The following HABP2 variants were observed in gnomAD, a reference collection of about 807,000 sequenced individuals.
HABP2 encodes factor VII-activating protease.
Under a neutral mutation model 66.5 loss-of-function variants are expected in HABP2, and 65 were observed. That is an observed-to-expected ratio of 0.98 (90% CI 0.80 to 1.20). The LOEUF is 1.20. Ranked by LOEUF, HABP2 falls within the 50% of genes most tolerant of loss-of-function variation. The probability of loss-of-function intolerance (pLI) is 0.00; values close to 1 mark genes in which losing one functional copy is unlikely to be tolerated. For missense variants in HABP2, 786 were observed against 691.0 expected (o/e 1.14, Z -1.54); for synonymous variants, 263 against 253.9 (o/e 1.04, Z -0.34).
rs569670909 is a variant in HABP2 at position 113,582,003 on chromosome 10, G to A, written c.966G>A (p.Ala322=). 67 of 1,614,200 alleles carry A rather than the reference G, an allele frequency of 4.2e-5. No homozygotes were observed. In the Middle Eastern group the frequency reaches 4.9e-4, roughly 12 times the overall value. Reference sequence around the variant, plus strand: ...TCTATGGAGGCTTTAAGAGCACGGCGGGCAAGCACCCATGGCAGGCGTCCC... The same window carrying A: ...TCTATGGAGGCTTTAAGAGCACGGCAGGCAAGCACCCATGGCAGGCGTCCC... ...KRIYGGFKST[A]GKHPWQASLQ... The change falls in exon 9 of 13, where the codon GCG becomes GCA. Residue 322 remains alanine (A), a synonymous_variant. Transcript: ENST00000351270.
In HABP2 at chr10:113,581,112, C is replaced by T. The variant is rs548185222; in HGVS notation, c.838+420C>T. The stretch of plus-strand genomic sequence containing the variant: ...CATCTGTCCTGGCCCCGCTCTGTGC[C>T]CACATCTAGAATGATGTGCCCTTCC... On this transcript the variant is annotated intron_variant, in intron 8 of 12. Coordinates refer to ENST00000351270, the MANE Select transcript of HABP2 (RefSeq NM_004132.5). 1.3e-3 allele frequency among the ~76,000 whole-genome samples: 194 copies of T among 152,300 alleles called. 4 individuals are homozygous for T. The highest frequency in any genetic ancestry group is 1.0e-3 in the South Asian group (5 of 4,824).
chr10:113,580,174 AG>A (rs548811454), intron 7 of HABP2, among the ~76,000 whole-genome samples: 15 of 102,076 alleles, frequency 1.5e-4, no homozygotes, highest in South Asian at 4.0e-4. Context: ...GGGCGGGGGG[AG>A]GGGGGGCCTC....
At chr10:113,551,693 C>T (rs1453210140), upstream of HABP2, among the ~76,000 whole-genome samples, 1 of 152,136 alleles carries the variant, frequency 6.6e-6, no homozygotes, top group Non-Finnish European at 1.5e-5. Flanking sequence ...GTATTCCCAG[C>T]TATTCAGGAG....
chr10:113,557,635 A>G (rs771726536), intron 1 of HABP2, among the ~76,000 whole-genome samples: 4 of 152,218 alleles, frequency 2.6e-5, no homozygotes, highest in Non-Finnish European at 4.4e-5. Flanking sequence ...TGACCCGCAA[A>G]CAAGTTCCAG....
At chr10:113,573,000 T>C (rs932026830) in intron 2 of HABP2, among the ~76,000 whole-genome samples, 1 of 152,244 alleles carries the variant, frequency 6.6e-6, no homozygotes, top group Admixed American at 6.5e-5. Flanking sequence ...ATAATGTGGT[T>C]GATAATCAGG....
rs1044847015 is a variant in HABP2, at chr10:113,588,939, C to T, written c.*570C>T. 3.0e-5 allele frequency: 47 copies of T among 1,546,000 alleles called. No homozygotes were observed. Among genetic ancestry groups the T allele is most frequent in the Non-Finnish European group, 3.9e-5 (44 of 1,121,462 alleles). On this transcript the variant is annotated 3_prime_UTR_variant, in exon 13 of 13. Transcript: ENST00000351270. ...AAGCCTGTCTCTGGTGAACAAACTTCCTCTCTGGCCTCTCAGGAATCAGGG... is the reference window on the plus strand; with the variant it reads ...AAGCCTGTCTCTGGTGAACAAACTTTCTCTCTGGCCTCTCAGGAATCAGGG...
rs982068949 is a variant in HABP2, at chr10:113,588,482, T to A, written c.*113T>A. ...CTCCAGGGGACCACACAGTAGACTA[T>A]CCCTACTCTAAGCAGAGACAACTGC... is the stretch of plus-strand genomic sequence containing the variant. On this transcript the variant is annotated 3_prime_UTR_variant, in exon 13 of 13. Transcript: ENST00000351270. 1.8e-5 allele frequency: 13 copies of A among 732,982 alleles called. No homozygotes were observed. Among genetic ancestry groups the A allele is most frequent in the Middle Eastern group, 3.5e-4 (1 of 2,848 alleles). The allele number at this position is 732,982 out of a possible 1,614,324, so 45.4% of individuals were successfully genotyped here. A position where few individuals can be genotyped will look rare whatever the true frequency, so the allele number is the denominator to read the frequency against.
chr10:113,576,692 C>A (rs1429264929), intron 4 of HABP2, among the ~76,000 whole-genome samples: 2 of 152,084 alleles, frequency 1.3e-5, no homozygotes, highest in Non-Finnish European at 2.9e-5. Flanking sequence ...TTGACTTCTT[C>A]CCTCGGTGCC....
At chr10:113,583,445 G>A (rs946306056) in intron 10 of HABP2, 87 bp downstream of exon 10, 5 of 1,231,186 alleles carry the variant, frequency 4.1e-6, no homozygotes, top group Non-Finnish European at 5.9e-6. Context: ...GTTCTAGAAG[G>A]TGCTCTTGAT....
In HABP2 at chr10:113,585,903, GGAAATCTTCA is replaced by G; in HGVS notation, c.1488_1497del (p.Gln498GlyfsTer13). 1 of 1,614,032 alleles carries G rather than the reference GGAAATCTTCA, an allele frequency of 6.2e-7. No individual in the cohort carries two copies. On this transcript the variant is annotated frameshift_variant, in exon 12 of 13. Transcript: ENST00000351270. LOFTEE classifies it high-confidence loss of function. The stretch of plus-strand genomic sequence containing the variant: ...GATTGATGACAGTATGATCTGTGCA[GGAAATCTTCA>G]GAAACCTGGGCAAGACACCTGCCAG...
intron 1 of HABP2, among the ~76,000 whole-genome samples, chr10:113,556,221 C>A (rs952035670): frequency 6.6e-6 from 1 of 152,214 alleles, no homozygotes; most frequent in African/African-American, 2.4e-5. Flanking sequence ...TCAAGTTTAA[C>A]TTGGTGGATA....
In HABP2 at chr10:113,588,359, G is replaced by A. The variant is rs775285099; in HGVS notation, c.1673G>A (p.Ser558Asn). Residue 558 changes from serine (S) to asparagine (N), a missense_variant, in exon 13 of 13, where the codon AGT becomes AAT. Transcript: ENST00000351270. ...NWIKATIKSE[S>N]GF ...ATCAAAGCCACCATCAAAAGTGAAA[G>A]TGGCTTCTAAGGTACTGTCTTCTGG... The A allele has an allele frequency of 1.2e-6, 2 of 1,612,532 alleles. No homozygotes were observed. Among genetic ancestry groups the A allele is most frequent in the East Asian group, 2.2e-5 (1 of 44,868 alleles).
Position 113,589,209 on chromosome 10 carries a change from C to A in HABP2, c.*840C>A. The stretch of plus-strand genomic sequence containing the variant: ...GGCTCACCCTCCCTTTCCTTTTCCC[C>A]TCTTCTACCCTCCCCAAGAAAAAGG... On this transcript the variant is annotated 3_prime_UTR_variant, in exon 13 of 13. Transcript: ENST00000351270. 1.5e-6 allele frequency: 1 copy of A among 677,428 alleles called. No individual in the cohort carries two copies. The highest frequency in any genetic ancestry group is 2.5e-6 in the Non-Finnish European group (1 of 406,478). The allele number at this position is 677,428 out of a possible 1,614,324, so 42.0% of individuals were successfully genotyped here.
intron 4 of HABP2, 37 bp downstream of exon 4, chr10:113,576,041 G>A (rs766087521): frequency 9.0e-7 from 1 of 1,112,562 alleles, no homozygotes; most frequent in Non-Finnish European, 1.4e-6. Context: ...TTCCCTCTGA[G>A]TTAAACAAGA....
At chr10:113,585,662 A>C in intron 11 of HABP2, 131 bp from the exon 12 acceptor site, 1 of 692,894 alleles carries the variant, frequency 1.4e-6, no homozygotes, top group East Asian at 2.6e-5. Flanking sequence ...TTTTCTGCCC[A>C]TATCCTGGAA....
intron 1 of HABP2, among the ~76,000 whole-genome samples, chr10:113,554,757 A>T (rs529810023): frequency 1.2e-4 from 18 of 152,380 alleles, no homozygotes; most frequent in African/African-American, 4.3e-4. Flanking sequence ...AGTTCACAAA[A>T]GGATAATGGT....
intron 2 of HABP2, among the ~76,000 whole-genome samples, chr10:113,568,078 G>T (rs1009691401): frequency 1.3e-5 from 2 of 152,232 alleles, no homozygotes; most frequent in Admixed American, 6.5e-5. Context: ...AGGGCTCTCT[G>T]TCTCACAGAC....
intron 2 of HABP2, among the ~76,000 whole-genome samples, chr10:113,573,761 T>A (rs1233099924): frequency 6.6e-6 from 1 of 152,220 alleles, no homozygotes. Flanking sequence ...AGATAATGCT[T>A]GACCATGACC....
chr10:113,575,346 T>C (rs1406083105), intron 3 of HABP2, among the ~76,000 whole-genome samples: 1 of 152,194 alleles, frequency 6.6e-6, no homozygotes, highest in Non-Finnish European at 1.5e-5. Context: ...GAACAAGTAG[T>C]TGAAGAAAGA....
Sources: allele counts gnomAD v4.1 joint callset (sites outside exome capture counted in the v4.1 genomes callset), GRCh38; gene constraint gnomAD v4.1.1; transcripts MANE v1.5; gene names NCBI Gene and HGNC (gene_info 2026-07-23, HGNC 2026-07-21).